Variants in UBE2E2 observed in about 807,000 individuals in gnomAD.
The protein encoded by UBE2E2 is ubiquitin-conjugating enzyme E2 E2.
UBE2E2 carries 6 observed loss-of-function variants against 24.7 expected under a neutral mutation model. That is an observed-to-expected ratio of 0.24 (90% CI 0.13 to 0.48). The LOEUF (loss-of-function observed/expected upper bound fraction) is 0.48. UBE2E2 is among the 20% of genes least tolerant of loss of function. UBE2E2 has a pLI of 0.99. For synonymous variants in UBE2E2, 104 were observed against 83.6 expected (o/e 1.24, Z -1.33); for missense variants, 169 against 245.0 (o/e 0.69, Z 2.07).
intron 4 of UBE2E2, among the ~76,000 whole-genome samples, chr3:23,528,208 G>T (rs889306120): frequency 1.1e-4 from 16 of 152,312 alleles, no homozygotes; most frequent in Non-Finnish European, 4.4e-5. Flanking sequence ...TGTTGAGAGA[G>T]TAGGAAAAAC....
chr3:23,545,801 A>G (rs1329461930), intron 5 of UBE2E2, among the ~76,000 whole-genome samples: 1 of 152,212 alleles, frequency 6.6e-6, no homozygotes, highest in Non-Finnish European at 1.5e-5. Context: ...AGAAAATGTG[A>G]TATGTATACA....
chr3:23,586,928 G>A (rs1362740986), intron 5 of UBE2E2, among the ~76,000 whole-genome samples: 1 of 148,786 alleles, frequency 6.7e-6, no homozygotes, highest in Non-Finnish European at 1.5e-5. Flanking sequence ...TTTACATCAT[G>A]TGATTAGAAG....
intron 3 of UBE2E2, among the ~76,000 whole-genome samples, chr3:23,249,946 G>A (rs1002117809): frequency 2.0e-5 from 3 of 152,170 alleles, no homozygotes; most frequent in African/African-American, 7.2e-5. Context: ...GTGAGCCACC[G>A]CATCCGGCCT....
chr3:23,320,365 TTTTC>T (rs1694709007), intron 3 of UBE2E2, among the ~76,000 whole-genome samples: 2 of 152,346 alleles, frequency 1.3e-5, no homozygotes, highest in South Asian at 4.1e-4. Context: ...TGAATAGCCT[TTTTC>T]TTTCTTAGTA....
chr3:23,371,726 T>C (rs1312040561), intron 3 of UBE2E2, among the ~76,000 whole-genome samples: 1 of 152,128 alleles, frequency 6.6e-6, no homozygotes, highest in Non-Finnish European at 1.5e-5. Flanking sequence ...TGAATAATAA[T>C]AGAGATAGTT....
At chr3:23,516,527 G>A (rs1037592027) in intron 4 of UBE2E2, among the ~76,000 whole-genome samples, 3 of 152,150 alleles carry the variant, frequency 2.0e-5, no homozygotes, top group Non-Finnish European at 4.4e-5. Flanking sequence ...GTAAGCAGAT[G>A]TATATTATAG....
chr3:23,241,464 T>C (rs1697258018), intron 3 of UBE2E2, among the ~76,000 whole-genome samples: 1 of 152,210 alleles, frequency 6.6e-6, no homozygotes, highest in South Asian at 2.1e-4. Context: ...GCCCCCTTTG[T>C]CTCTCTGACC....
At chr3:23,226,673 T>G (rs771183330) in intron 3 of UBE2E2, among the ~76,000 whole-genome samples, 16 of 152,136 alleles carry the variant, frequency 1.1e-4, no homozygotes, top group African/African-American at 1.9e-4. Flanking sequence ...GAGAATTTAG[T>G]ATAGTTATTC....
rs534637776 is a variant in UBE2E2 at position 23,583,398 on chromosome 3, C to G, written c.509-6336C>G. Among the ~76,000 whole-genome samples, 11 of 152,222 alleles carry G rather than the reference C, an allele frequency of 7.2e-5. No homozygotes were observed. The highest frequency in any genetic ancestry group is 4.6e-4 in the Admixed American group (7 of 15,288). ...CCTTTGTTCTTTTTGCTTAGCATTG[C>G]TTTGGCTATTCAGGCCCTTTTTTGG... On this transcript the variant is annotated intron_variant, in intron 5 of 5. Transcript: ENST00000396703. This position sits in a 1 kb window ranked among gnomAD's most constrained non-coding sequence, Gnocchi z 4.1.
At chr3:23,365,657 G>A (rs866359581) in intron 3 of UBE2E2, among the ~76,000 whole-genome samples, 2 of 152,136 alleles carry the variant, frequency 1.3e-5, no homozygotes, top group African/African-American at 4.8e-5. Context: ...TAGATAGGAA[G>A]AATCAAGATT....
intron 3 of UBE2E2, among the ~76,000 whole-genome samples, chr3:23,259,057 G>A (rs1575511104): frequency 6.6e-6 from 1 of 152,058 alleles, no homozygotes; most frequent in East Asian, 1.9e-4. Context: ...ATTTTATACA[G>A]GTGAATTCTT....
chr3:23,253,909 G>A (rs1697646211), intron 3 of UBE2E2, among the ~76,000 whole-genome samples: 1 of 152,174 alleles, frequency 6.6e-6, no homozygotes, highest in African/African-American at 2.4e-5. Context: ...GTAATGAGTT[G>A]CAGGTGATCT....
At chr3:23,561,317 G>A (rs1439171063) in intron 5 of UBE2E2, among the ~76,000 whole-genome samples, 1 of 152,060 alleles carries the variant, frequency 6.6e-6, no homozygotes, top group Non-Finnish European at 1.5e-5. Context: ...AGCACCATTT[G>A]TTAAATAGGG....
At chr3:23,310,957 A>G (rs1036838066) in intron 3 of UBE2E2, among the ~76,000 whole-genome samples, 6 of 152,044 alleles carry the variant, frequency 3.9e-5, no homozygotes, top group Non-Finnish European at 5.9e-5. Flanking sequence ...TGCTGCACCC[A>G]TTAACTTGTC....
At chr3:23,337,581 T>C (rs947498479) in intron 3 of UBE2E2, among the ~76,000 whole-genome samples, 12 of 152,142 alleles carry the variant, frequency 7.9e-5, no homozygotes, top group South Asian at 4.1e-4. Context: ...CAGGGACAAC[T>C]TTACTGAGGA....
At chr3:23,289,372 C>G (rs1314472546) in intron 3 of UBE2E2, among the ~76,000 whole-genome samples, 3 of 152,108 alleles carry the variant, frequency 2.0e-5, no homozygotes, top group Non-Finnish European at 4.4e-5. Context: ...ACAATGATAC[C>G]AGCTCAGTAC....
chr3:23,452,788 A>C (rs73821812), intron 3 of UBE2E2, among the ~76,000 whole-genome samples: 24,611 of 152,058 alleles, frequency 0.16, 2,544 homozygotes, highest in African/African-American at 0.28. Flanking sequence ...GAGGAAAAAG[A>C]CTTGAAGGAC....
chr3:23,217,536 T>C (rs1366435033), intron 3 of UBE2E2, among the ~76,000 whole-genome samples: 1 of 152,084 alleles, frequency 6.6e-6, no homozygotes, highest in African/African-American at 2.4e-5. Context: ...CCAAAAGTAG[T>C]GTAATGCAAT....
At chr3:23,569,464 T>G (rs1472812260) in intron 5 of UBE2E2, among the ~76,000 whole-genome samples, 1 of 152,214 alleles carries the variant, frequency 6.6e-6, no homozygotes, top group African/African-American at 2.4e-5. Flanking sequence ...TTTAAATGGG[T>G]GTATTGTATG....
Sources: allele counts gnomAD v4.1 joint callset (sites outside exome capture counted in the v4.1 genomes callset), GRCh38; gene constraint gnomAD v4.1.1; non-coding constraint Gnocchi (gnomAD v3.1); transcripts MANE v1.5; gene names NCBI Gene and HGNC (gene_info 2026-07-23, HGNC 2026-07-21).